The following ITK variants were observed in gnomAD, a reference collection of about 807,000 sequenced individuals.
ITK encodes IL2 inducible T cell kinase.
Under a neutral mutation model 87.6 loss-of-function variants are expected in ITK, and 45 were observed. The observed-to-expected ratio is 0.51, with a 90% confidence interval of 0.40 to 0.66. The LOEUF (loss-of-function observed/expected upper bound fraction) is 0.66. Among genes scored for constraint, ITK ranks in the 30% least tolerant of loss-of-function variants. The pLI is 0.00. For synonymous variants in ITK, 303 were observed against 273.6 expected, an observed-to-expected ratio of 1.11 and a Z score of -1.06; for missense variants, 605 against 766.3, an observed-to-expected ratio of 0.79 and a Z score of 2.48.
At chr5:157,237,561 G>A (rs769890548) in intron 8 of ITK, among the ~76,000 whole-genome samples, 7 of 152,196 alleles carry the variant, frequency 4.6e-5, no homozygotes, top group Non-Finnish European at 8.8e-5. Flanking sequence ...TTCCCATTAA[G>A]ACACTGATGA....
chr5:157,241,828 A>G, intron 11 of ITK, 108 bp downstream of exon 11: 1 of 757,568 alleles, frequency 1.3e-6, no homozygotes, highest in Admixed American at 1.9e-5. Flanking sequence ...AATCACCATT[A>G]AAACAAGTGT....
intron 1 of ITK, among the ~76,000 whole-genome samples, chr5:157,183,725 T>A (rs1202938838): frequency 6.6e-6 from 1 of 152,194 alleles, no homozygotes; most frequent in Non-Finnish European, 1.5e-5. Context: ...TTATGAGCTG[T>A]TTGGCCAGTT....
chr5:157,249,576 C>T (rs1268354760), intron 16 of ITK, among the ~76,000 whole-genome samples: 1 of 152,188 alleles, frequency 6.6e-6, no homozygotes, highest in Non-Finnish European at 1.5e-5. Flanking sequence ...TCATACATTT[C>T]AGCCAAAGTG....
At position 157,244,606 on chromosome 5, in the gene ITK, C is replaced by T. The variant is rs969335113; in HGVS notation, c.1449+128C>T. ...CCTTTCCTTTCTCAACTTCTCCCTT[C>T]CTTCACCTACTTTGGGTGGTCCTAG... On this transcript the variant is annotated intron_variant, in intron 13 of 16. Coordinates refer to ENST00000422843, the MANE Select transcript of ITK (RefSeq NM_005546.4). 5.6e-6 allele frequency: 4 copies of T among 717,814 alleles called. No homozygotes were observed. The African/African-American group carries it at 7.0e-5, about 13-fold the overall frequency. 44.5% of individuals were successfully genotyped at this position (717,814 alleles called of 1,614,324 possible). A position where few individuals can be genotyped will look rare whatever the true frequency, so the allele number is the denominator to read the frequency against.
intron 1 of ITK, among the ~76,000 whole-genome samples, chr5:157,207,474 G>A (rs1754106139): frequency 7.9e-6 from 1 of 127,034 alleles, no homozygotes; most frequent in Non-Finnish European, 1.6e-5. Context: ...TCCGCCTCCC[G>A]GATTCACGCC....
intron 8 of ITK, among the ~76,000 whole-genome samples, chr5:157,233,628 T>C (rs1754702863): frequency 6.6e-6 from 1 of 152,162 alleles, no homozygotes; most frequent in African/African-American, 2.4e-5. Context: ...ACAATGCAAA[T>C]GTAGCCAACT....
At chr5:157,195,239 T>C (rs967125462) in intron 1 of ITK, 2 of 152,212 alleles carry the variant, frequency 1.3e-5, no homozygotes, top group African/African-American at 4.8e-5. Flanking sequence ...ACAAGCTCAT[T>C]GTAAACCTCA....
intron 12 of ITK, 154 bp from the exon 13 acceptor site, chr5:157,244,108 T>A: frequency 1.3e-6 from 1 of 751,916 alleles, no homozygotes; most frequent in South Asian, 1.5e-5. Context: ...TCAGCTCCAA[T>A]GACATGTTTT....
chr5:157,222,043 C>T (rs973093134), intron 5 of ITK, among the ~76,000 whole-genome samples: 5 of 151,946 alleles, frequency 3.3e-5, no homozygotes, highest in Non-Finnish European at 5.9e-5. Flanking sequence ...ATCAAAATGA[C>T]GAGACTCTTT....
At position 157,254,065 on chromosome 5, in the gene ITK, T is replaced by C. The variant is rs1191186022; in HGVS notation, c.*1387T>C. 4.4e-6 allele frequency: 1 copy of C among 226,880 alleles called. No individual in the cohort carries two copies. The highest frequency in any genetic ancestry group is 6.3e-5 in the East Asian group (1 of 15,802). 14.1% of individuals were successfully genotyped at this position (226,880 alleles called of 1,614,324 possible). On this transcript the variant is annotated 3_prime_UTR_variant, in exon 17 of 17. Coordinates refer to ENST00000422843, the MANE Select transcript of ITK (RefSeq NM_005546.4). ...TCTAGAGCTGGTATTCTAGCCCAAA[T>C]CTGTCTGACCGCAATACACAGATTC...
chr5:157,180,930 G>A lies in ITK; in HGVS notation c.-48G>A, dbSNP rs1324535509. 6.2e-7 allele frequency: 1 copy of A among 1,603,302 alleles called. No homozygotes were observed. The highest frequency in any genetic ancestry group is 8.5e-7 in the Non-Finnish European group (1 of 1,170,894). On this transcript the variant is annotated 5_prime_UTR_variant, in exon 1 of 17. In the 5' UTR this introduces an upstream ATG that the reference lacks. Coordinates refer to ENST00000422843, the MANE Select transcript of ITK (RefSeq NM_005546.4). ...TGCCCCAAAACTCTTTCCTTTGGTT[G>A]TGCTAAGAGGTGATGCCCAAGGTGC...
At chr5:157,236,680 A>G (rs1478929842) in intron 8 of ITK, among the ~76,000 whole-genome samples, 1 of 152,214 alleles carries the variant, frequency 6.6e-6, no homozygotes, top group Non-Finnish European at 1.5e-5. Context: ...GCGGGGTAGG[A>G]ACAGAGTGTT....
intron 16 of ITK, among the ~76,000 whole-genome samples, chr5:157,250,090 A>G (rs764514027): frequency 1.3e-5 from 2 of 152,228 alleles, no homozygotes; most frequent in Non-Finnish European, 2.9e-5. Context: ...TAAAGTTCAT[A>G]GTTTACATTA....
At chr5:157,216,653 C>T (rs751302515) in intron 4 of ITK, among the ~76,000 whole-genome samples, 2 of 152,062 alleles carry the variant, frequency 1.3e-5, no homozygotes, top group African/African-American at 4.8e-5. Flanking sequence ...AAGGGAAAAG[C>T]AAGGCCAGAG....
At chr5:157,212,630 G>A (rs1754213124) in intron 3 of ITK, among the ~76,000 whole-genome samples, 1 of 152,212 alleles carries the variant, frequency 6.6e-6, no homozygotes, top group Non-Finnish European at 1.5e-5. Flanking sequence ...AGGCTACAGT[G>A]AGCCATGCTC....
At position 157,232,268 on chromosome 5, in the gene ITK, G is replaced by A. The variant is rs1754672188; in HGVS notation, c.714-72G>A. The A allele has an allele frequency of 9.6e-6, 10 of 1,040,308 alleles. 1 individual carries two copies. Among genetic ancestry groups the A allele is most frequent in the South Asian group, 9.3e-5 (7 of 75,122 alleles). 64.4% of individuals were successfully genotyped at this position (1,040,308 alleles called of 1,614,324 possible). ...TAGAAAATGACCATATGATTTTCTAGCATTGTCTTTTATAAGTAAATAATG... is the reference window on the plus strand; with the variant it reads ...TAGAAAATGACCATATGATTTTCTAACATTGTCTTTTATAAGTAAATAATG... On this transcript the variant is annotated intron_variant, in intron 7 of 16. Transcript: ENST00000422843.
chr5:157,207,449 C>T (rs1754105824), intron 1 of ITK, among the ~76,000 whole-genome samples: 1 of 130,732 alleles, frequency 7.6e-6, no homozygotes, highest in African/African-American at 2.8e-5. Context: ...GGTGCGGTCT[C>T]CACTCACTGC....
chr5:157,244,178 AT>A, intron 12 of ITK, 83 bp from the exon 13 acceptor site: 1 of 1,052,852 alleles, frequency 9.5e-7, no homozygotes, highest in South Asian at 1.3e-5. Context: ...CAAAATGACC[AT>A]TGGCTATTTT....
At chr5:157,201,649 T>C (rs1291404856) in intron 1 of ITK, among the ~76,000 whole-genome samples, 1 of 146,036 alleles carries the variant, frequency 6.8e-6, no homozygotes, top group East Asian at 2.0e-4. Context: ...ACTAGCCAGA[T>C]AAATTACACT....
Sources: allele counts gnomAD v4.1 joint callset (sites outside exome capture counted in the v4.1 genomes callset), GRCh38; gene constraint gnomAD v4.1.1; transcripts MANE v1.5; gene names NCBI Gene and HGNC (gene_info 2026-07-23, HGNC 2026-07-21).